Variants in MAP1LC3B2 observed in about 807,000 individuals in gnomAD.
MAP1LC3B2 encodes the protein microtubule-associated protein 1 light chain 3 beta 2.
For synonymous variants in MAP1LC3B2, 62 were observed against 57.8 expected, an observed-to-expected ratio of 1.07 and a Z score of -0.33; for missense variants, 155 against 154.6, an observed-to-expected ratio of 1.00 and a Z score of -0.01.
At chr12:116,562,926 T>C (rs1253813354) in intron 1 of MAP1LC3B2, among the ~76,000 whole-genome samples, 5 of 152,240 alleles carry the variant, frequency 3.3e-5, no homozygotes, top group Admixed American at 3.3e-4. Context: ...GTTTTCACCC[T>C]GTATTATTTT....
intron 1 of MAP1LC3B2, among the ~76,000 whole-genome samples, chr12:116,571,458 C>CTTTTTTTTTTTTTTTTTT (rs71095564): frequency 2.1e-5 from 1 of 48,110 alleles, no homozygotes; most frequent in Admixed American, 4.0e-4. Flanking sequence ...GACTGCTGTT[C>CTTTTTTTTTTTTTTTTTT]TTTTTTTTTT....
chr12:116,575,285 T>G (rs942319181), intron 1 of MAP1LC3B2, among the ~76,000 whole-genome samples: 4 of 151,352 alleles, frequency 2.6e-5, no homozygotes, highest in African/African-American at 7.3e-5. Context: ...TTTTTGTAAA[T>G]GAAGAAAACA....
Position 116,576,052 on chromosome 12 carries a change from G to A in MAP1LC3B2, c.110G>A (p.Arg37Gln), listed in dbSNP as rs866294489. ...HPTKIPVIIERYKGEKQLPVL... is the reference protein window; with the variant it reads ...HPTKIPVIIEQYKGEKQLPVL... The stretch of plus-strand genomic sequence containing the variant: ...ACCAAAATCCCGGTGATAATAGAAC[G>A]ATACAAGGGTGAGAAGCAGCTTCCT... The change falls in exon 2 of 2, where the codon CGA (arginine) becomes CAA (glutamine). Residue 37 changes from arginine (R) to glutamine (Q), a missense_variant. Arg to Gln is a conservative substitution (Grantham distance 43). Coordinates refer to ENST00000556529, the MANE Select transcript of MAP1LC3B2 (RefSeq NM_001085481.3). 4 of 1,614,080 alleles carry A rather than the reference G, an allele frequency of 2.5e-6. No individual in the cohort carries two copies. The highest frequency in any genetic ancestry group is 1.3e-5 in the African/African-American group (1 of 74,942).
At chr12:116,574,248 T>TA (rs11402160) in intron 1 of MAP1LC3B2, among the ~76,000 whole-genome samples, 95,343 of 148,586 alleles carry the variant, frequency 0.64, 31,179 homozygotes, top group Non-Finnish European at 0.7. Flanking sequence ...TTGTAATAGT[T>TA]AAAAAAAAAA....
At chr12:116,568,472 G>A (rs115638726) in intron 1 of MAP1LC3B2, among the ~76,000 whole-genome samples, 3,717 of 152,324 alleles carry the variant, frequency 0.024, 73 homozygotes, top group South Asian at 0.076. Context: ...TCACAAGTCT[G>A]TAATTTGTGC....
chr12:116,562,282 GA>G (rs1869292128), intron 1 of MAP1LC3B2, among the ~76,000 whole-genome samples: 1 of 152,152 alleles, frequency 6.6e-6, no homozygotes, highest in Non-Finnish European at 1.5e-5. Context: ...ACCTGTGCCT[GA>G]AACCATCCGT....
intron 1 of MAP1LC3B2, among the ~76,000 whole-genome samples, chr12:116,571,883 G>A (rs570006383): frequency 6.6e-6 from 1 of 150,444 alleles, no homozygotes; most frequent in South Asian, 2.1e-4. Context: ...CCTGCTTAAA[G>A]CAACTGTTGT....
At chr12:116,572,650 C>T (rs1257345267) in intron 1 of MAP1LC3B2, among the ~76,000 whole-genome samples, 1 of 151,592 alleles carries the variant, frequency 6.6e-6, no homozygotes, top group Non-Finnish European at 1.5e-5. Context: ...AGGCGTGAGC[C>T]ACGGCGCCCA....
At position 116,560,217 on chromosome 12, in the gene MAP1LC3B2, T is replaced by C. The variant is rs1197037923; in HGVS notation, c.-102+784T>C. ...ATATATATATATATATATATATATA[T>C]ATATATATATATATATATATATATG... is the stretch of plus-strand genomic sequence containing the variant. On this transcript the variant is annotated intron_variant, in intron 1 of 1. Coordinates refer to ENST00000556529, the MANE Select transcript of MAP1LC3B2 (RefSeq NM_001085481.3). The C allele has an allele frequency of 1.8e-4, 16 of 86,972 alleles. 1 individual carries two copies. The highest frequency in any genetic ancestry group is 4.1e-4 in the Admixed American group (4 of 9,696). The allele number at this position is 86,972 out of a possible 1,614,324, so 5.4% of individuals were successfully genotyped here.
At position 116,575,905 on chromosome 12, in the gene MAP1LC3B2, C is replaced by T; in HGVS notation, c.-38C>T. ...CGCCACCCCCAGGAGCCGCCGGGAC[C>T]CTCGCGTCGTCGCCGCCGCGGCCCA... is the stretch of plus-strand genomic sequence containing the variant. On this transcript the variant is annotated 5_prime_UTR_variant, in exon 2 of 2. Coordinates refer to ENST00000556529, the MANE Select transcript of MAP1LC3B2 (RefSeq NM_001085481.3). The T allele has an allele frequency of 6.2e-7, 1 of 1,613,210 alleles. No homozygotes were observed. The highest frequency in any genetic ancestry group is 8.5e-7 in the Non-Finnish European group (1 of 1,179,468).
At chr12:116,564,259 G>T (rs1163820938) in intron 1 of MAP1LC3B2, among the ~76,000 whole-genome samples, 1 of 152,140 alleles carries the variant, frequency 6.6e-6, no homozygotes, top group Non-Finnish European at 1.5e-5. Flanking sequence ...ACATTTTCCT[G>T]CTTCTCTAGA....
intron 1 of MAP1LC3B2, among the ~76,000 whole-genome samples, chr12:116,572,316 T>C (rs16946818): frequency 0.026 from 4,002 of 152,036 alleles, 184 homozygotes; most frequent in African/African-American, 0.091. Flanking sequence ...AACATTTTCA[T>C]CTCAAAAGAA....
At chr12:116,572,044 C>T (rs926024537) in intron 1 of MAP1LC3B2, among the ~76,000 whole-genome samples, 1 of 151,476 alleles carries the variant, frequency 6.6e-6, no homozygotes, top group Non-Finnish European at 1.5e-5. Context: ...TGAATGTTAC[C>T]GAGAGTTCAC....
intron 1 of MAP1LC3B2, among the ~76,000 whole-genome samples, chr12:116,562,665 C>G (rs766228775): frequency 2.8e-4 from 43 of 152,156 alleles, no homozygotes; most frequent in Non-Finnish European, 3.2e-4. Context: ...ACAAAAGTGA[C>G]TATGACAATT....
At chr12:116,570,890 T>G (rs1037203133) in intron 1 of MAP1LC3B2, among the ~76,000 whole-genome samples, 6 of 152,248 alleles carry the variant, frequency 3.9e-5, no homozygotes, top group African/African-American at 1.4e-4. Flanking sequence ...GTAAGGCAAC[T>G]GATCACTTGG....
At chr12:116,560,201 T>TATATATAC (rs1566022532) in intron 1 of MAP1LC3B2, 4 of 23,522 alleles carry the variant, frequency 1.7e-4, no homozygotes, top group African/African-American at 5.6e-4. Flanking sequence ...TATATATATA[T>TATATATAC]ATATATATAT....
In MAP1LC3B2 at chr12:116,576,125, T is replaced by C. The variant is rs771378105; in HGVS notation, c.183T>C (p.Ser61=). The C allele has an allele frequency of 5.6e-6, 9 of 1,614,134 alleles. No individual in the cohort carries two copies. The highest frequency in any genetic ancestry group is 7.6e-6 in the Non-Finnish European group (9 of 1,180,028). The change falls in exon 2 of 2, where the codon AGT becomes AGC. Residue 61 remains serine (S), a synonymous_variant. Transcript: ENST00000556529. The part of the protein sequence containing the change: ...KFLVPDHVNM[S]ELIKIIRRRL... ...TTGTACCTGACCATGTCAACATGAG[T>C]GAGCTCATCAAGATAATTAGAAGGC...
At chr12:116,560,238 A>ATATATATATATATATATATATATG (rs1566022618) in intron 1 of MAP1LC3B2, among the ~76,000 whole-genome samples, 1 of 106,364 alleles carries the variant, frequency 9.4e-6, no homozygotes, top group African/African-American at 3.8e-5. Flanking sequence ...ATATATATAT[A>ATATATATATATATATATATATATG]TATGTATGTA....
intron 1 of MAP1LC3B2, among the ~76,000 whole-genome samples, chr12:116,570,405 A>T (rs139864995): frequency 6.6e-6 from 1 of 152,284 alleles, no homozygotes; most frequent in East Asian, 1.9e-4. Context: ...GGTTAATATA[A>T]GTGTTCTGAG....
Sources: allele counts gnomAD v4.1 joint callset (sites outside exome capture counted in the v4.1 genomes callset), GRCh38; gene constraint gnomAD v4.1.1; transcripts MANE v1.5; gene names NCBI Gene and HGNC (gene_info 2026-07-23, HGNC 2026-07-21).